IL17C: variants seen among roughly 807,000 people sequenced by gnomAD.
The protein encoded by IL17C is interleukin 17C, also known as interleukin-17C.
IL17C carries 13 observed loss-of-function variants against 11.0 expected under a neutral mutation model. The observed-to-expected ratio is 1.18, with a 90% CI of 0.77 to 1.88. The LOEUF is 1.88. IL17C is among the 40% of genes most tolerant of loss of function. The pLI is 0.00. For missense variants in IL17C, 357 were observed against 278.2 expected, an observed-to-expected ratio of 1.28 and a Z score of -2.01; for synonymous variants, 150 against 125.8, an observed-to-expected ratio of 1.19 and a Z score of -1.29.
rs370385352 is a variant in IL17C, at chr16:88,639,241, G to A, written c.267G>A (p.Pro89=). 1.6e-4 allele frequency: 261 copies of A among 1,612,400 alleles called. No homozygotes were observed. The highest frequency in any genetic ancestry group is 3.3e-4 in the Middle Eastern group (2 of 6,046). Residue 89 remains proline (P), a synonymous_variant, in exon 2 of 3, where the codon CCG becomes CCA. Transcript: ENST00000244241. This position sits in a 1 kb window ranked among gnomAD's most constrained non-coding sequence, Gnocchi z 5.1. ...GGCCCTCAGCTACGACCCAGTGCCC[G>A]GTGCTGCGGCCGGAGGAGGTGTTGG... ...HERPSATTQC[P]VLRPEEVLEA...
rs1469374335 is a variant in IL17C, at chr16:88,640,248, T to G, written c.*176T>G. ...TTCTCCTCATCTCCAGCCTCAGTAG[T>G]TGGGGGTAGAAGGAGCTCAGCACCT... On this transcript the variant is annotated 3_prime_UTR_variant, in exon 3 of 3. Coordinates refer to ENST00000244241, the MANE Select transcript of IL17C (RefSeq NM_013278.4). 3.0e-6 allele frequency: 2 copies of G among 671,712 alleles called. No homozygotes were observed. Among genetic ancestry groups the G allele is most frequent in the Non-Finnish European group, 4.7e-6 (2 of 423,910 alleles). 41.6% of individuals were successfully genotyped at this position (671,712 alleles called of 1,614,324 possible).
chr16:88,640,286 A>C lies in IL17C; in HGVS notation c.*214A>C. 1 of 516,632 alleles carries C rather than the reference A, an allele frequency of 1.9e-6. No individual in the cohort carries two copies. Among genetic ancestry groups the C allele is most frequent in the South Asian group, 3.5e-5 (1 of 28,688 alleles). The allele number at this position is 516,632 out of a possible 1,614,324, so 32.0% of individuals were successfully genotyped here. A position where few individuals can be genotyped will look rare whatever the true frequency, so the allele number is the denominator to read the frequency against. On this transcript the variant is annotated 3_prime_UTR_variant, in exon 3 of 3. Coordinates refer to ENST00000244241, the MANE Select transcript of IL17C (RefSeq NM_013278.4). ...GAGCTCAGCACCTCTTCCAGCCCTT[A>C]AAGCTGCAGAAAAGGTGTCACACGG...
rs1038938929 is a variant in IL17C at position 88,640,109 on chromosome 16, T to A, written c.*37T>A. On this transcript the variant is annotated 3_prime_UTR_variant, in exon 3 of 3. Transcript: ENST00000244241. Reference sequence around the variant, plus strand: ...GTGGGGCCCCTAGACTGGACACGTGTGCTCCCCAGAGGGCACCCCCTATTT... The same window carrying A: ...GTGGGGCCCCTAGACTGGACACGTGAGCTCCCCAGAGGGCACCCCCTATTT... The A allele has an allele frequency of 2.6e-6, 4 of 1,516,006 alleles. No homozygotes were observed. In the African/African-American group the frequency reaches 5.6e-5, roughly 21 times the overall value. 93.9% of individuals were successfully genotyped at this position (1,516,006 alleles called of 1,614,324 possible).
rs748361727 is a variant in IL17C, at chr16:88,639,879, G to T, written c.401G>T (p.Cys134Phe). ...TTCGCCGAGTGCCTGTGCAGAGGCT[G>T]TATCGATGCACGGACGGGCCGCGAG... ...LAFAECLCRG[C>F]IDARTGRETA... Residue 134 changes from cysteine to phenylalanine, a missense_variant, in exon 3 of 3, where the codon TGT becomes TTT. Transcript: ENST00000244241. This position sits in a 1 kb window ranked among gnomAD's most constrained non-coding sequence, Gnocchi z 5.1. 5.0e-6 allele frequency: 8 copies of T among 1,606,094 alleles called. No individual in the cohort carries two copies. The South Asian group carries it at 8.8e-5, about 18-fold the overall frequency.
intron 1 of IL17C, 43 bp from the exon 2 acceptor site, chr16:88,638,938 T>TG (rs1371554895): frequency 6.8e-7 from 1 of 1,470,188 alleles, no homozygotes; most frequent in Non-Finnish European, 9.2e-7. Flanking sequence ...AGGTGCCCCC[T>TG]GCCCTGGGCA....
intron 1 of IL17C, 94 bp from the exon 2 acceptor site, chr16:88,638,886 TC>T: frequency 1.6e-6 from 2 of 1,276,190 alleles, no homozygotes; most frequent in Non-Finnish European, 2.2e-6. Flanking sequence ...AGGGCTGTAC[TC>T]CATCTTTCCG....
chr16:88,640,036 C>T lies in IL17C; in HGVS notation c.558C>T (p.Pro186=), dbSNP rs769245035. ...TCCACACCGAGTTCATCCACGTCCC[C>T]GTCGGCTGCACCTGCGTGCTGCCCC... The part of the protein sequence containing the change: ...FAFHTEFIHV[P]VGCTCVLPRS... The change falls in exon 3 of 3, where the codon CCC becomes CCT. Residue 186 remains proline (P), a synonymous_variant. Coordinates refer to ENST00000244241, the MANE Select transcript of IL17C (RefSeq NM_013278.4). The T allele has an allele frequency of 4.6e-5, 73 of 1,589,976 alleles. No individual in the cohort carries two copies. The Middle Eastern group carries it at 8.4e-4, about 18-fold the overall frequency.
At position 88,638,667 on chromosome 16, in the gene IL17C, G is replaced by T; in HGVS notation, c.6+20G>T. On this transcript the variant is annotated intron_variant, in intron 1 of 2. Coordinates refer to ENST00000244241, the MANE Select transcript of IL17C (RefSeq NM_013278.4). ...ATGACGGTGAGCCTCTCCACATGCC[G>T]CTCGGATGGATGCTGCTTGGATGTG... 5 of 1,612,984 alleles carry T rather than the reference G, an allele frequency of 3.1e-6. No individual in the cohort carries two copies. The highest frequency in any genetic ancestry group is 4.2e-6 in the Non-Finnish European group (5 of 1,179,984).
chr16:88,639,294 C>T lies in IL17C; in HGVS notation c.320C>T (p.Ser107Leu). 6.2e-7 allele frequency: 1 copy of T among 1,601,368 alleles called. No individual in the cohort carries two copies. The highest frequency in any genetic ancestry group is 8.5e-7 in the Non-Finnish European group (1 of 1,173,534). The change falls in exon 2 of 3, where the codon TCA (serine) becomes TTA (leucine). Residue 107 changes from serine (S) to leucine (L), a missense_variant. Physicochemically the swap from Ser to Leu is moderately radical, Grantham distance 145. Transcript: ENST00000244241. This position sits in a 1 kb window ranked among gnomAD's most constrained non-coding sequence, Gnocchi z 5.1. ...GCAGACACCCACCAGCGCTCCATCT[C>T]ACCCTGGAGATACCGGTGAGGACCT... ...LEADTHQRSISPWRYRVDTDE... is the reference protein window; with the variant it reads ...LEADTHQRSILPWRYRVDTDE...
chr16:88,638,956 A>C, intron 1 of IL17C, 25 bp from the exon 2 acceptor site: 1 of 1,540,536 alleles, frequency 6.5e-7, no homozygotes, highest in South Asian at 1.3e-5. Context: ...GCACCTCCTA[A>C]CCACCCACCT....
rs1407695389 is a variant in IL17C at position 88,639,794 on chromosome 16, C to T, written c.336-20C>T. ...AGGACAGGGTAGGGCCAGAGACTCA[C>T]TGTGCACCCCGTCCCGCAGTGTGGA... On this transcript the variant is annotated intron_variant, in intron 2 of 2. Transcript: ENST00000244241. This position sits in a 1 kb window ranked among gnomAD's most constrained non-coding sequence, Gnocchi z 5.1. 6 of 1,521,634 alleles carry T rather than the reference C, an allele frequency of 3.9e-6. No individual in the cohort carries two copies. The African/African-American group carries it at 5.5e-5, about 14-fold the overall frequency. The allele number at this position is 1,521,634 out of a possible 1,614,324, so 94.3% of individuals were successfully genotyped here.
Position 88,638,639 on chromosome 16 carries a change from A to G in IL17C, c.-3A>G. The stretch of plus-strand genomic sequence containing the variant: ...AAGCCCAGCCTGCCCCGCTGCCGCC[A>G]CCATGACGGTGAGCCTCTCCACATG... On this transcript the variant is annotated 5_prime_UTR_variant, in exon 1 of 3. Transcript: ENST00000244241. 6.2e-7 allele frequency: 1 copy of G among 1,612,822 alleles called. No homozygotes were observed. The highest frequency in any genetic ancestry group is 1.1e-5 in the South Asian group (1 of 91,074).
At position 88,639,159 on chromosome 16, in the gene IL17C, T is replaced by C; in HGVS notation, c.185T>C (p.Leu62Ser). ...CGAGGTGCCAAGTGGGGGCAGGCTTTGCCTGTAGCCCTGGTGTCCAGCCTG... is the reference window on the plus strand; with the variant it reads ...CGAGGTGCCAAGTGGGGGCAGGCTTCGCCTGTAGCCCTGGTGTCCAGCCTG... The part of the protein sequence containing the change: ...LARGAKWGQA[L>S]PVALVSSLEA... Residue 62 changes from leucine to serine, a missense_variant, in exon 2 of 3, where the codon TTG becomes TCG. Leu to Ser is a moderately radical substitution (Grantham distance 145). Coordinates refer to ENST00000244241, the MANE Select transcript of IL17C (RefSeq NM_013278.4). This position sits in a 1 kb window ranked among gnomAD's most constrained non-coding sequence, Gnocchi z 5.1. 6.2e-7 allele frequency: 1 copy of C among 1,612,960 alleles called. No homozygotes were observed. Among genetic ancestry groups the C allele is most frequent in the Non-Finnish European group, 8.5e-7 (1 of 1,179,932 alleles).
Position 88,639,392 on chromosome 16 carries a change from TTGG to T in IL17C, c.335+88_335+90del. On this transcript the variant is annotated intron_variant, in intron 2 of 2. Coordinates refer to ENST00000244241, the MANE Select transcript of IL17C (RefSeq NM_013278.4). This position sits in a 1 kb window ranked among gnomAD's most constrained non-coding sequence, Gnocchi z 5.1. ...GACTGCCCGGAGAGCTCTCTGGGCC[TTGG>T]TGGTTCTCACCTGTCAAGTGGGCGT... 1 of 1,349,468 alleles carries T rather than the reference TTGG, an allele frequency of 7.4e-7. No individual in the cohort carries two copies. Among genetic ancestry groups the T allele is most frequent in the Non-Finnish European group, 9.9e-7 (1 of 1,012,210 alleles). The allele number at this position is 1,349,468 out of a possible 1,614,324, so 83.6% of individuals were successfully genotyped here.
In IL17C at chr16:88,638,598, G is replaced by C. The variant is rs777329433; in HGVS notation, c.-44G>C. ...GGTGCACCTGTGGGATTGCCGCCAG[G>C]TGTGCAGGCCGCTCCAAGCCCAGCC... On this transcript the variant is annotated 5_prime_UTR_variant, in exon 1 of 3. Coordinates refer to ENST00000244241, the MANE Select transcript of IL17C (RefSeq NM_013278.4). The C allele has an allele frequency of 5.0e-6, 8 of 1,611,684 alleles. No individual in the cohort carries two copies. The East Asian group carries it at 1.3e-4, about 27-fold the overall frequency.
At chr16:88,638,699 G>A (rs1435586623) in intron 1 of IL17C, 52 bp downstream of exon 1, 1 of 1,612,168 alleles carries the variant, frequency 6.2e-7, no homozygotes, top group Non-Finnish European at 8.5e-7. Context: ...TGTGCAGCCT[G>A]GCATGGAAGG....
Position 88,640,180 on chromosome 16 carries a change from G to C in IL17C, c.*108G>C, listed in dbSNP as rs1288149768. ...ATATGCCTCCCCCAACACTACCCTT[G>C]GGGTCTGGGCATTCCCCGTGTCTGG... On this transcript the variant is annotated 3_prime_UTR_variant, in exon 3 of 3. Coordinates refer to ENST00000244241, the MANE Select transcript of IL17C (RefSeq NM_013278.4). The C allele has an allele frequency of 1.6e-6, 2 of 1,289,340 alleles. No homozygotes were observed. The highest frequency in any genetic ancestry group is 3.0e-5 in the African/African-American group (2 of 67,026). 79.9% of individuals were successfully genotyped at this position (1,289,340 alleles called of 1,614,324 possible).
rs752159020 is a variant in IL17C at position 88,639,138 on chromosome 16, G to T, written c.164G>T (p.Gly55Val). The change falls in exon 2 of 3, where the codon GGT becomes GTT. Residue 55 changes from glycine to valine, a missense_variant. Transcript: ENST00000244241. This position sits in a 1 kb window ranked among gnomAD's most constrained non-coding sequence, Gnocchi z 5.1. Reference sequence around the variant, plus strand: ...GCCCCCCCACACCTGCTGGCTCGAGGTGCCAAGTGGGGGCAGGCTTTGCCT... The same window carrying T: ...GCCCCCCCACACCTGCTGGCTCGAGTTGCCAAGTGGGGGCAGGCTTTGCCT... ...GQAPPHLLARGAKWGQALPVA... is the reference protein window; with the variant it reads ...GQAPPHLLARVAKWGQALPVA... The T allele has an allele frequency of 1.4e-5, 22 of 1,612,910 alleles. No individual in the cohort carries two copies. Among genetic ancestry groups the T allele is most frequent in the Non-Finnish European group, 1.9e-5 (22 of 1,179,958 alleles).
chr16:88,638,750 G>A (rs1906965954), intron 1 of IL17C, 103 bp downstream of exon 1: 2 of 1,566,578 alleles, frequency 1.3e-6, no homozygotes, highest in South Asian at 1.1e-5. Flanking sequence ...GTTGGGATGG[G>A]GTCTGGGAAA....
Sources: gnomAD v4.1 joint callset for allele counts on GRCh38, gnomAD v4.1.1 for gene constraint, Gnocchi (gnomAD v3.1) non-coding constraint, MANE v1.5 for transcripts, NCBI Gene and HGNC (gene_info 2026-07-23, HGNC 2026-07-21) for gene names.